Variants in ARPP21 observed in about 807,000 individuals in gnomAD.
ARPP21 encodes the protein cAMP-regulated phosphoprotein 21.
Under a neutral mutation model 113.2 loss-of-function variants are expected in ARPP21, and 69 were observed. That is an observed-to-expected ratio of 0.61 (90% CI 0.50 to 0.74). The LOEUF (loss-of-function observed/expected upper bound fraction) is 0.74, where lower values mean the gene tolerates loss of function less well. Among genes scored for constraint, ARPP21 ranks in the 30% least tolerant of loss-of-function variants. The pLI is 0.00. For synonymous variants in ARPP21, 368 were observed against 375.5 expected (o/e 0.98, Z 0.23); for missense variants, 1,070 against 1,037.4 (o/e 1.03, Z -0.43).
At chr3:35,699,298 CAGG>C (rs2085327134) in intron 9 of ARPP21, among the ~76,000 whole-genome samples, 1 of 151,576 alleles carries the variant, frequency 6.6e-6, no homozygotes, top group Admixed American at 6.6e-5. Flanking sequence ...TTGCTATAGG[CAGG>C]AGAATTATGC....
chr3:35,647,833 T>C (rs2148928154), intron 1 of ARPP21, among the ~76,000 whole-genome samples: 1 of 152,166 alleles, frequency 6.6e-6, no homozygotes, highest in East Asian at 1.9e-4. Context: ...GGCAACTTAG[T>C]TAATTCCTCA....
At chr3:35,779,847 C>T (rs1234457813) in intron 19 of ARPP21, among the ~76,000 whole-genome samples, 1 of 152,142 alleles carries the variant, frequency 6.6e-6, no homozygotes, top group African/African-American at 2.4e-5. Context: ...TTTTCTCACT[C>T]CTCCTTTTAG....
chr3:35,670,521 C>T (rs1201892372), intron 1 of ARPP21, among the ~76,000 whole-genome samples: 3 of 151,964 alleles, frequency 2.0e-5, no homozygotes, highest in African/African-American at 7.2e-5. Flanking sequence ...GATGATAGGT[C>T]GGCCAAACTC....
intron 19 of ARPP21, among the ~76,000 whole-genome samples, chr3:35,774,053 C>T (rs2096281950): frequency 6.6e-6 from 1 of 152,078 alleles, no homozygotes; most frequent in Admixed American, 6.6e-5. Flanking sequence ...TTAAGTGTTC[C>T]TTACAAATGT....
At chr3:35,692,256 A>G (rs906799726) in intron 9 of ARPP21, among the ~76,000 whole-genome samples, 7 of 151,704 alleles carry the variant, frequency 4.6e-5, no homozygotes, top group African/African-American at 1.7e-4. Flanking sequence ...TTAAAAATTT[A>G]TCAGGTTCCT....
chr3:35,674,024 T>C (rs1387920473), intron 1 of ARPP21, among the ~76,000 whole-genome samples: 3 of 151,960 alleles, frequency 2.0e-5, no homozygotes, highest in Non-Finnish European at 2.9e-5. Flanking sequence ...GTGTCTCCAA[T>C]AGAAATAACT....
chr3:35,651,328 A>C (rs1259568612), intron 1 of ARPP21, among the ~76,000 whole-genome samples: 1 of 152,060 alleles, frequency 6.6e-6, no homozygotes, highest in African/African-American at 2.4e-5. Context: ...CTGAGAAAGA[A>C]CCTACTTTTT....
intron 13 of ARPP21, among the ~76,000 whole-genome samples, chr3:35,721,111 C>T (rs1281550157): frequency 6.6e-6 from 1 of 152,190 alleles, no homozygotes; most frequent in African/African-American, 2.4e-5. Flanking sequence ...AAAGCTGGAA[C>T]ATGAATTAAC....
intron 19 of ARPP21, among the ~76,000 whole-genome samples, chr3:35,788,956 C>G (rs1466994478): frequency 6.6e-6 from 1 of 152,138 alleles, no homozygotes; most frequent in Non-Finnish European, 1.5e-5. Flanking sequence ...CATTCCTAAC[C>G]TTTTTACCTC....
chr3:35,667,673 C>A (rs2074734623), intron 1 of ARPP21, among the ~76,000 whole-genome samples: 1 of 151,746 alleles, frequency 6.6e-6, no homozygotes. Context: ...TGTAAGAGTC[C>A]TTCTAGTTAA....
At chr3:35,719,960 C>A (rs1302144018) in intron 13 of ARPP21, among the ~76,000 whole-genome samples, 2 of 152,146 alleles carry the variant, frequency 1.3e-5, no homozygotes, top group East Asian at 1.9e-4. Flanking sequence ...AATGGAATAG[C>A]AAGCCCTTGA....
At position 35,717,312 on chromosome 3, in the gene ARPP21, A is replaced by C. The variant is rs1219448397; in HGVS notation, c.950A>C (p.Asp317Ala). The change falls in exon 13 of 21, where the codon GAC becomes GCC. Residue 317 changes from aspartate to alanine, a missense_variant. Transcript: ENST00000684406. The stretch of plus-strand genomic sequence containing the variant: ...TTCATTTCCAGTAGGCTCTTGGAAG[A>C]CAGTAACATATGCAATGAGACCTAT... Reference protein sequence around the residue: ...LFVENSRLLEDSNICNETYKK... With the variant: ...LFVENSRLLEASNICNETYKK... The C allele has an allele frequency of 6.2e-7, 1 of 1,604,722 alleles. No homozygotes were observed. Among genetic ancestry groups the C allele is most frequent in the Admixed American group, 1.7e-5 (1 of 59,978 alleles).
intron 19 of ARPP21, among the ~76,000 whole-genome samples, chr3:35,748,114 A>AAAGAAAGAAAAGAAAGAAAGAAAG (rs2095231674): frequency 7.7e-5 from 7 of 90,722 alleles, no homozygotes; most frequent in African/African-American, 3.9e-4. Context: ...AAGAAAGAAG[A>AAAGAAAGAAAAGAAAGAAAGAAAG]AAGAAAGAAA....
At chr3:35,679,624 A>AG (rs1194375131) in intron 1 of ARPP21, 163 bp from the exon 2 acceptor site, 4 of 151,900 alleles carry the variant, frequency 2.6e-5, no homozygotes, top group African/African-American at 9.7e-5. Flanking sequence ...AGCCTTCATT[A>AG]GAGAAGAAGC....
chr3:35,659,847 A>G (rs1706859423), intron 1 of ARPP21, among the ~76,000 whole-genome samples: 1 of 152,222 alleles, frequency 6.6e-6, no homozygotes, highest in South Asian at 2.1e-4. Flanking sequence ...TTCCTGTTTT[A>G]TACCAAAAGC....
intron 1 of ARPP21, chr3:35,642,231 G>T (rs372139147): frequency 1.3e-5 from 2 of 152,084 alleles, no homozygotes; most frequent in Admixed American, 6.5e-5. Context: ...GTTGAGTATG[G>T]TTACCTTGAG....
chr3:35,681,017 G>A (rs766727770), intron 2 of ARPP21: 2 of 151,796 alleles, frequency 1.3e-5, no homozygotes, highest in Non-Finnish European at 2.9e-5. Flanking sequence ...AGTTGGGATA[G>A]CTTCACTAGA....
At chr3:35,789,872 C>T (rs1419851989) in intron 19 of ARPP21, among the ~76,000 whole-genome samples, 2 of 152,284 alleles carry the variant, frequency 1.3e-5, no homozygotes, top group Non-Finnish European at 2.9e-5. Context: ...TATTATTTTC[C>T]CTTCACCCAA....
intron 11 of ARPP21, among the ~76,000 whole-genome samples, chr3:35,710,542 A>ACAC (rs2090770382): frequency 6.8e-5 from 9 of 132,864 alleles, no homozygotes; most frequent in South Asian, 2.5e-4. Context: ...CTCTCTCTCA[A>ACAC]ACACACACAC....
Sources: allele counts gnomAD v4.1 joint callset (sites outside exome capture counted in the v4.1 genomes callset), GRCh38; gene constraint gnomAD v4.1.1; transcripts MANE v1.5; gene names NCBI Gene and HGNC (gene_info 2026-07-23, HGNC 2026-07-21).